ATRNL1: variants seen among roughly 807,000 people sequenced by gnomAD.
The protein encoded by ATRNL1 is attractin like 1.
A neutral mutation model predicts 182.7 loss-of-function variants in ATRNL1; 95 were observed. The observed-to-expected ratio is 0.52, with a 90% CI of 0.44 to 0.62. The LOEUF (loss-of-function observed/expected upper bound fraction) is 0.62. Among genes scored for constraint, ATRNL1 ranks in the 20% least tolerant of loss-of-function variants. The probability of loss-of-function intolerance (pLI) is 0.00; values close to 1 mark genes in which losing one functional copy is unlikely to be tolerated. For synonymous variants in ATRNL1, 576 were observed against 568.3 expected (o/e 1.01, Z -0.19); for missense variants, 1,471 against 1,679.5 (o/e 0.88, Z 2.17).
chr10:115,119,373 TAAA>T (rs1844628588), intron 1 of ATRNL1, among the ~76,000 whole-genome samples: 1 of 152,030 alleles, frequency 6.6e-6, no homozygotes, highest in South Asian at 2.1e-4. Context: ...TGTGAATATG[TAAA>T]AACTGATTAG....
At chr10:115,386,590 T>C (rs11197194) in intron 19 of ATRNL1, among the ~76,000 whole-genome samples, 47,599 of 151,870 alleles carry the variant, frequency 0.31, 8,603 homozygotes, top group Middle Eastern at 0.46. Context: ...GTAACTGACA[T>C]TGTGGACTTC....
chr10:115,194,108 T>C (rs781954526), intron 8 of ATRNL1, among the ~76,000 whole-genome samples: 5 of 152,066 alleles, frequency 3.3e-5, no homozygotes, highest in Non-Finnish European at 5.9e-5. Flanking sequence ...ACATGTTTTG[T>C]GTCCTAATGA....
At chr10:115,255,564 G>C (rs900700862) in intron 10 of ATRNL1, among the ~76,000 whole-genome samples, 1 of 152,050 alleles carries the variant, frequency 6.6e-6, no homozygotes, top group South Asian at 2.1e-4. Context: ...TTCTAAATAT[G>C]CAATCATGTC....
intron 27 of ATRNL1, among the ~76,000 whole-genome samples, chr10:115,846,929 G>T (rs151205746): frequency 2.0e-5 from 3 of 152,212 alleles, no homozygotes; most frequent in African/African-American, 4.8e-5. Context: ...CAGAGTTGTT[G>T]TGGGTTTAAA....
chr10:115,213,920 A>G (rs2144395134), intron 8 of ATRNL1, among the ~76,000 whole-genome samples: 1 of 152,172 alleles, frequency 6.6e-6, no homozygotes, highest in Admixed American at 6.6e-5. Context: ...AATAAATTGT[A>G]TATTATCAAC....
At chr10:115,606,107 C>G (rs1592937096) in intron 26 of ATRNL1, among the ~76,000 whole-genome samples, 1 of 151,940 alleles carries the variant, frequency 6.6e-6, no homozygotes, top group Non-Finnish European at 1.5e-5. Flanking sequence ...CTGAAATAAA[C>G]TGAAATGTAT....
At chr10:115,171,345 T>A (rs1847285360) in intron 8 of ATRNL1, 53 bp downstream of exon 8, 1 of 1,422,706 alleles carries the variant, frequency 7.0e-7, no homozygotes, top group African/African-American at 1.9e-5. Flanking sequence ...GTTTTTCTCT[T>A]TAATAAAATC....
At chr10:115,740,514 T>TCTA (rs1948105353) in intron 27 of ATRNL1, among the ~76,000 whole-genome samples, 3 of 150,860 alleles carry the variant, frequency 2.0e-5, no homozygotes, top group African/African-American at 4.9e-5. Context: ...TATCTATCTA[T>TCTA]TTTGTTTTTT....
chr10:115,607,360 G>T (rs1856924372), intron 26 of ATRNL1, among the ~76,000 whole-genome samples: 2 of 151,602 alleles, frequency 1.3e-5, no homozygotes, highest in Admixed American at 1.3e-4. Context: ...TGAATTCTCT[G>T]TTTATGATCT....
intron 18 of ATRNL1, among the ~76,000 whole-genome samples, chr10:115,322,445 A>C (rs946772761): frequency 6.6e-6 from 1 of 151,980 alleles, no homozygotes; most frequent in African/African-American, 2.4e-5. Flanking sequence ...TTTTATTGGC[A>C]AACATGTTAC....
chr10:115,098,553 C>T (rs1554863779), intron 1 of ATRNL1, among the ~76,000 whole-genome samples: 1 of 142,674 alleles, frequency 7.0e-6, no homozygotes, highest in Non-Finnish European at 1.5e-5. Flanking sequence ...GCTCCGCTTC[C>T]TGGGTTCACG....
intron 21 of ATRNL1, among the ~76,000 whole-genome samples, chr10:115,445,430 C>CAAAAA (rs34068379): frequency 3.8e-5 from 1 of 26,118 alleles, no homozygotes; most frequent in Non-Finnish European, 5.9e-5. Flanking sequence ...GATTTCGCCT[C>CAAAAA]AAAAAAAAAA....
intron 24 of ATRNL1, among the ~76,000 whole-genome samples, chr10:115,496,322 G>C (rs1849547778): frequency 6.6e-6 from 1 of 152,144 alleles, no homozygotes; most frequent in South Asian, 2.1e-4. Context: ...GTGGTGGAAA[G>C]TAATGGTCTT....
chr10:115,218,178 A>G (rs1849303598), intron 9 of ATRNL1, among the ~76,000 whole-genome samples: 1 of 151,698 alleles, frequency 6.6e-6, no homozygotes, highest in Non-Finnish European at 1.5e-5. Context: ...CTGCAACTAG[A>G]TGGTCCCATT....
intron 27 of ATRNL1, among the ~76,000 whole-genome samples, chr10:115,732,172 A>G (rs1555063133): frequency 1.3e-5 from 2 of 152,174 alleles, no homozygotes; most frequent in Admixed American, 1.3e-4. Context: ...TTTTTTGGGT[A>G]TATGCCTAAG....
At chr10:115,751,667 A>C (rs1350129322) in intron 27 of ATRNL1, among the ~76,000 whole-genome samples, 1 of 152,102 alleles carries the variant, frequency 6.6e-6, no homozygotes, top group African/African-American at 2.4e-5. Context: ...GGTTGAAAGA[A>C]GTGTGGTATT....
In ATRNL1 at chr10:115,863,625, T is replaced by C. The variant is rs997024056; in HGVS notation, c.4018+15634T>C. Among the ~76,000 whole-genome samples the C allele has an allele frequency of 1.2e-4, 18 of 152,342 alleles. No individual in the cohort carries two copies. In the South Asian group the frequency reaches 3.3e-3, roughly 28 times the overall value. ...TATGAGTTTATTCACTGTAGGTGGA[T>C]GCACATAGAAATATAGATGTATGCA... On this transcript the variant is annotated intron_variant, in intron 28 of 28. Transcript: ENST00000355044.
At chr10:115,479,664 C>A (rs1157623080) in intron 24 of ATRNL1, among the ~76,000 whole-genome samples, 3 of 151,138 alleles carry the variant, frequency 2.0e-5, no homozygotes, top group African/African-American at 7.3e-5. Context: ...GGGAAAAAAT[C>A]TTTTTGTTTT....
At chr10:115,759,945 G>C (rs1489970759) in intron 27 of ATRNL1, among the ~76,000 whole-genome samples, 1 of 145,014 alleles carries the variant, frequency 6.9e-6, no homozygotes, top group Non-Finnish European at 1.5e-5. Context: ...GCCCACTTCA[G>C]CCTCCCAAAG....
Sources: gnomAD v4.1 joint callset for allele counts (sites outside exome capture counted in the v4.1 genomes callset) on GRCh38, gnomAD v4.1.1 for gene constraint, MANE v1.5 for transcripts, NCBI Gene and HGNC (gene_info 2026-07-23, HGNC 2026-07-21) for gene names.